The following PDE4D variants were observed in gnomAD, a reference collection of about 807,000 sequenced individuals.
The protein encoded by PDE4D is phosphodiesterase 4D.
Under a neutral mutation model 87.4 loss-of-function variants are expected in PDE4D, and 24 were observed. The ratio of observed to expected loss-of-function variants is 0.27; its 90% confidence interval spans 0.20 to 0.39. PDE4D has a LOEUF of 0.39. PDE4D is among the 10% of genes least tolerant of loss of function. PDE4D has a pLI of 1.00. For missense variants in PDE4D, 714 were observed against 1,041.0 expected, an observed-to-expected ratio of 0.69 and a Z score of 4.32; for synonymous variants, 384 against 383.2, an observed-to-expected ratio of 1.00 and a Z score of -0.02.
At chr5:59,619,722 CAG>C (rs1280850949) in intron 1 of PDE4D, among the ~76,000 whole-genome samples, 5 of 152,004 alleles carry the variant, frequency 3.3e-5, no homozygotes, top group Non-Finnish European at 5.9e-5. Context: ...GTTTTATGCA[CAG>C]AGAGTGGCCT....
At chr5:60,115,010 A>C (rs1049991105) in intron 2 of PDE4D, among the ~76,000 whole-genome samples, 1 of 140,966 alleles carries the variant, frequency 7.1e-6, no homozygotes, top group African/African-American at 2.6e-5. Flanking sequence ...GCCTCACAAC[A>C]GTTCCTAAAA....
At chr5:60,139,036 G>C (rs879889865) in intron 2 of PDE4D, among the ~76,000 whole-genome samples, 15 of 151,922 alleles carry the variant, frequency 9.9e-5, no homozygotes, top group Non-Finnish European at 1.8e-4. Flanking sequence ...GTACAACTCT[G>C]CTCACTCCAG....
chr5:59,778,800 CA>C (rs1401514805), intron 1 of PDE4D, among the ~76,000 whole-genome samples: 2 of 152,144 alleles, frequency 1.3e-5, no homozygotes, highest in Non-Finnish European at 2.9e-5. Context: ...AGATAGTTAA[CA>C]GGCTAAAAAG....
intron 1 of PDE4D, chr5:59,587,423 A>C: frequency 4.1e-6 from 4 of 984,426 alleles, no homozygotes; most frequent in Non-Finnish European, 4.8e-6. Context: ...ACATCTTCTG[A>C]AAGATTCTCA....
Position 59,410,748 on chromosome 5 carries a change from G to A in PDE4D, c.456-194780C>T, listed in dbSNP as rs560086226. 3.3e-5 allele frequency among the ~76,000 whole-genome samples: 5 copies of A among 152,076 alleles called. No individual in the cohort carries two copies. In the South Asian group the frequency reaches 8.3e-4, roughly 25 times the overall value. ...GTTTTTTTGCATCCATTTGTCTGTC[G>A]ATGGGACACTTAGGTTGCTTCCAAA... On this transcript the variant is annotated intron_variant, in intron 1 of 14. Coordinates refer to ENST00000340635, the MANE Select transcript of PDE4D (RefSeq NM_001104631.2).
At position 59,064,083 on chromosome 5, in the gene PDE4D, C is replaced by CT. The variant is rs763241820; in HGVS notation, c.809-25113dup. The stretch of plus-strand genomic sequence containing the variant: ...TTAAAAAAAATGAGAAAAAAATATA[C>CT]TTTTTTCTAGTATACTTACCAGGAA... On this transcript the variant is annotated intron_variant, in intron 5 of 14. Coordinates refer to ENST00000340635, the MANE Select transcript of PDE4D (RefSeq NM_001104631.2). 1.0e-3 allele frequency among the ~76,000 whole-genome samples: 151 copies of CT among 151,138 alleles called. 1 individual carries two copies. The highest frequency in any genetic ancestry group is 3.5e-3 in the African/African-American group (144 of 41,132).
intron 1 of PDE4D, among the ~76,000 whole-genome samples, chr5:60,513,321 G>C (rs1750657667): frequency 6.6e-6 from 1 of 152,064 alleles, no homozygotes; most frequent in South Asian, 2.1e-4. Flanking sequence ...ATACAAAGTA[G>C]ATTTTAAGAC....
At chr5:59,424,466 G>T (rs940884775) in intron 1 of PDE4D, among the ~76,000 whole-genome samples, 2 of 152,126 alleles carry the variant, frequency 1.3e-5, no homozygotes, top group Admixed American at 6.5e-5. Flanking sequence ...AGAAAGGATG[G>T]TTAACTGACT....
At chr5:59,329,159 A>C (rs568627879) in intron 1 of PDE4D, among the ~76,000 whole-genome samples, 1 of 152,312 alleles carries the variant, frequency 6.6e-6, no homozygotes, top group Admixed American at 6.5e-5. Flanking sequence ...GGCTCCACCC[A>C]GTTGCTTCAT....
intron 1 of PDE4D, among the ~76,000 whole-genome samples, chr5:60,396,980 C>G (rs1337710868): frequency 6.6e-6 from 1 of 152,186 alleles, no homozygotes; most frequent in Admixed American, 6.5e-5. Context: ...TCCGGCCTCA[C>G]AAAAGAAATT....
rs11950255 is a variant in PDE4D, at chr5:60,070,459, A to G, written c.43-81742T>C. The stretch of plus-strand genomic sequence containing the variant: ...TTTTTCTGCATCTTGAGATGATCAC[A>G]TGTTTTTATGCTTTATTTTGTTAAT... On this transcript the variant is annotated intron_variant, in intron 2 of 16. Transcript: ENST00000502484. 6.0e-3 allele frequency among the ~76,000 whole-genome samples: 919 copies of G among 151,928 alleles called. 4 individuals carry two copies. The highest frequency in any genetic ancestry group is 0.034 in the Middle Eastern group (10 of 294).
At chr5:59,355,892 T>C (rs909744654) in intron 1 of PDE4D, among the ~76,000 whole-genome samples, 8 of 152,164 alleles carry the variant, frequency 5.3e-5, no homozygotes, top group Non-Finnish European at 5.9e-5. Context: ...AGTGTTAATA[T>C]ATATTTCTAC....
chr5:59,447,485 G>T (rs1458864266), intron 1 of PDE4D, among the ~76,000 whole-genome samples: 1 of 152,198 alleles, frequency 6.6e-6, no homozygotes, highest in African/African-American at 2.4e-5. Flanking sequence ...CCCTCCAAGG[G>T]CCCACCACTG....
At chr5:59,445,206 G>GA (rs1267384962) in intron 1 of PDE4D, among the ~76,000 whole-genome samples, 1 of 152,014 alleles carries the variant, frequency 6.6e-6, no homozygotes, top group Non-Finnish European at 1.5e-5. Flanking sequence ...AATATATTAT[G>GA]AAAAAACCTA....
intron 1 of PDE4D, among the ~76,000 whole-genome samples, chr5:60,310,635 C>G (rs979350657): frequency 1.3e-5 from 2 of 152,162 alleles, no homozygotes; most frequent in Non-Finnish European, 2.9e-5. Flanking sequence ...CTAACAGATA[C>G]CGACATTATA....
intron 5 of PDE4D, among the ~76,000 whole-genome samples, chr5:59,068,091 T>C (rs1371115758): frequency 2.0e-5 from 3 of 152,164 alleles, no homozygotes; most frequent in African/African-American, 7.2e-5. Context: ...AACTGCCTAT[T>C]TGAGCTCTAG....
intron 1 of PDE4D, among the ~76,000 whole-genome samples, chr5:59,559,048 A>G (rs1053972068): frequency 6.6e-6 from 1 of 152,192 alleles, no homozygotes; most frequent in African/African-American, 2.4e-5. Flanking sequence ...AGCATGAGCC[A>G]GAAATACTCA....
chr5:59,393,442 T>C (rs2153609564), intron 1 of PDE4D, among the ~76,000 whole-genome samples: 1 of 152,260 alleles, frequency 6.6e-6, no homozygotes, highest in Middle Eastern at 3.4e-3. Flanking sequence ...AAATTCCTCT[T>C]CTCCCCCTCA....
At chr5:60,235,245 T>G (rs533125492) in intron 1 of PDE4D, among the ~76,000 whole-genome samples, 1 of 152,044 alleles carries the variant, frequency 6.6e-6, no homozygotes, top group South Asian at 2.1e-4. Context: ...TGTATTTTCT[T>G]ATTTATATTT....
Sources: gnomAD v4.1 joint callset for allele counts (sites outside exome capture counted in the v4.1 genomes callset) on GRCh38, gnomAD v4.1.1 for gene constraint, MANE v1.5 for transcripts, NCBI Gene and HGNC (gene_info 2026-07-23, HGNC 2026-07-21) for gene names.